Variants in MGST1 observed in about 807,000 individuals in gnomAD.
The protein encoded by MGST1 is microsomal glutathione S-transferase 1, also known as glutathione S-transferase 12.
Under a neutral mutation model 8.9 loss-of-function variants are expected in MGST1, and 5 were observed. That is an observed-to-expected ratio of 0.56 (90% CI 0.29 to 1.19). The LOEUF (loss-of-function observed/expected upper bound fraction) is 1.19. Ranked by LOEUF, MGST1 falls within the 50% of genes most tolerant of loss-of-function variation. The probability of loss-of-function intolerance (pLI) is 0.08; values close to 1 mark genes in which losing one functional copy is unlikely to be tolerated. For missense variants in MGST1, 182 were observed against 187.4 expected (o/e 0.97, Z 0.17); for synonymous variants, 54 against 67.8 (o/e 0.80, Z 1.00).
At chr12:16,373,723 C>T (rs1467353732) in intron 3 of MGST1, among the ~76,000 whole-genome samples, 1 of 152,032 alleles carries the variant, frequency 6.6e-6, no homozygotes, top group African/African-American at 2.4e-5. Context: ...ATCAAAGTGA[C>T]TAAGAACACC....
At position 16,513,572 on chromosome 12, in the gene MGST1, A is replaced by C. The variant is rs1229762706; in HGVS notation, n.483-75956A>C. 2.0e-6 allele frequency: 1 copy of C among 492,040 alleles called. No individual in the cohort carries two copies. Among genetic ancestry groups the C allele is most frequent in the Non-Finnish European group, 4.2e-6 (1 of 240,770 alleles). 30.5% of individuals were successfully genotyped at this position (492,040 alleles called of 1,614,324 possible). A position where few individuals can be genotyped will look rare whatever the true frequency, so the allele number is the denominator to read the frequency against. On this transcript the variant is annotated intron_variant and non_coding_transcript_variant, in intron 4 of 4. Transcript: ENST00000538857. The surrounding 1 kb of genome is among the most constrained non-coding windows in gnomAD (Gnocchi z 4.2). ...AGGGACACCAATAGCAAAAAGATGA[A>C]TCTGGGAGTTAGTGCCTACAGGGAC...
chr12:16,582,494 T>TAA lies in MGST1; in HGVS notation n.483-7034_483-7033insAA, dbSNP rs2137547632. Among the ~76,000 whole-genome samples the TAA allele has an allele frequency of 6.6e-6, 1 of 152,328 alleles. No homozygotes were observed. The highest frequency in any genetic ancestry group is 1.5e-5 in the Non-Finnish European group (1 of 68,030). On this transcript the variant is annotated intron_variant and non_coding_transcript_variant, in intron 4 of 4. Coordinates refer to the MGST1 transcript ENST00000538857. The surrounding 1 kb of genome is among the most constrained non-coding windows in gnomAD (Gnocchi z 4.1). ...TTATGTTAGTTTTGCATAAGCTGCT[T>TAA]TACATATTTTGAACTTAAGCTTCCT...
intron 2 of MGST1, among the ~76,000 whole-genome samples, chr12:16,355,939 G>T (rs1939696955): frequency 6.6e-6 from 1 of 152,166 alleles, no homozygotes; most frequent in East Asian, 1.9e-4. Context: ...CAAGATGCCA[G>T]CAGATCTGGT....
At chr12:16,484,227 G>A (rs1327200839) in intron 4 of MGST1, among the ~76,000 whole-genome samples, 11 of 152,158 alleles carry the variant, frequency 7.2e-5, no homozygotes, top group Non-Finnish European at 5.9e-5. Context: ...CAGCTGTTTT[G>A]TTGGTGTGAA....
chr12:16,450,167 TTC>T (rs755478355), intron 4 of MGST1, among the ~76,000 whole-genome samples: 8 of 151,978 alleles, frequency 5.3e-5, no homozygotes, highest in Non-Finnish European at 8.8e-5. Context: ...TGTATGACAC[TTC>T]TGTTTGCTTT....
chr12:16,541,120 CAATACTTTCA>C (rs1026143571), intron 4 of MGST1, among the ~76,000 whole-genome samples: 1 of 152,084 alleles, frequency 6.6e-6, no homozygotes, highest in Non-Finnish European at 1.5e-5. Flanking sequence ...TCTAAAATCA[CAATACTTTCA>C]TTAAAAAGTC....
intron 4 of MGST1, among the ~76,000 whole-genome samples, chr12:16,539,344 G>T (rs1941779025): frequency 6.6e-6 from 1 of 151,622 alleles, no homozygotes; most frequent in African/African-American, 2.4e-5. Flanking sequence ...AGAGTAAGGG[G>T]GTATTACATT....
chr12:16,564,170 T>TA (rs1384516516), intron 4 of MGST1, among the ~76,000 whole-genome samples: 1 of 152,180 alleles, frequency 6.6e-6, no homozygotes, highest in Non-Finnish European at 1.5e-5. Context: ...GACATGAATA[T>TA]AAAAATCAAA....
Position 16,584,496 on chromosome 12 carries a change from T to C in MGST1, n.483-5032T>C, listed in dbSNP as rs139955042. On this transcript the variant is annotated intron_variant and non_coding_transcript_variant, in intron 4 of 4. Transcript: ENST00000538857. The surrounding 1 kb of genome is among the most constrained non-coding windows in gnomAD (Gnocchi z 5.2). Reference sequence around the variant, plus strand: ...TCTGGAGGACCCAGTGGAAAAGTGTTGAGTGAACGTAACAGCAGAAATATA... The same window carrying C: ...TCTGGAGGACCCAGTGGAAAAGTGTCGAGTGAACGTAACAGCAGAAATATA... Among the ~76,000 whole-genome samples, 1,351 of 152,196 alleles carry C rather than the reference T, an allele frequency of 8.9e-3. 15 individuals are homozygous for C. The highest frequency in any genetic ancestry group is 0.031 in the Middle Eastern group (9 of 294).
At chr12:16,451,357 A>G (rs919059576) in intron 4 of MGST1, among the ~76,000 whole-genome samples, 3 of 151,906 alleles carry the variant, frequency 2.0e-5, no homozygotes, top group Non-Finnish European at 2.9e-5. Flanking sequence ...TATTTTTACT[A>G]TCCTTTAAAC....
At chr12:16,538,015 G>A (rs999015013) in intron 4 of MGST1, among the ~76,000 whole-genome samples, 1 of 152,104 alleles carries the variant, frequency 6.6e-6, no homozygotes, top group Non-Finnish European at 1.5e-5. Context: ...TGCATCATCT[G>A]GCTGCAAATT....
chr12:16,563,785 A>G (rs2137361651), intron 4 of MGST1, among the ~76,000 whole-genome samples: 1 of 152,314 alleles, frequency 6.6e-6, no homozygotes, highest in African/African-American at 2.4e-5. Flanking sequence ...AGTCATTTTG[A>G]AATTTTGATC....
intron 1 of MGST1, among the ~76,000 whole-genome samples, chr12:16,434,063 G>A (rs1249229791): frequency 6.6e-6 from 1 of 151,946 alleles, no homozygotes; most frequent in African/African-American, 2.4e-5. Context: ...ATTTCCCACT[G>A]CATTGACTAA....
chr12:16,485,390 G>A (rs1019611951), intron 4 of MGST1, among the ~76,000 whole-genome samples: 3 of 152,148 alleles, frequency 2.0e-5, no homozygotes, highest in African/African-American at 7.2e-5. Context: ...CTCTGCTTGA[G>A]CTAGTCACTT....
In MGST1 at chr12:16,353,044, T is replaced by G. The variant is rs76205046; in HGVS notation, c.-22-1187T>G. ...CTATTACTATTTCAATTTTTTTTTT[T>G]GGAGGGGGAGACAGAGTCTCACTCT... On this transcript the variant is annotated intron_variant, in intron 1 of 3. Coordinates refer to ENST00000396210, the MANE Select transcript of MGST1 (RefSeq NM_020300.5). Among the ~76,000 whole-genome samples the G allele has an allele frequency of 2.0e-3, 308 of 151,734 alleles. 2 individuals are homozygous for G. Among genetic ancestry groups the G allele is most frequent in the African/African-American group, 6.9e-3 (286 of 41,412 alleles).
At chr12:16,409,203 A>G (rs1940720430) in intron 1 of MGST1, among the ~76,000 whole-genome samples, 1 of 151,816 alleles carries the variant, frequency 6.6e-6, no homozygotes, top group Non-Finnish European at 1.5e-5. Context: ...TCAACTACTT[A>G]TTTTCCTGGA....
chr12:16,450,266 T>C (rs1941118318), intron 4 of MGST1, among the ~76,000 whole-genome samples: 1 of 151,962 alleles, frequency 6.6e-6, no homozygotes, highest in African/African-American at 2.4e-5. Flanking sequence ...GTCCAGTCAC[T>C]TGGGCCTCCT....
chr12:16,569,680 T>A (rs1942742825), intron 4 of MGST1, among the ~76,000 whole-genome samples: 1 of 152,176 alleles, frequency 6.6e-6, no homozygotes, highest in Non-Finnish European at 1.5e-5. Flanking sequence ...ATCTTCGATC[T>A]GAAAAGAATC....
intron 4 of MGST1, among the ~76,000 whole-genome samples, chr12:16,508,498 T>C (rs112161906): frequency 0.028 from 4,208 of 152,324 alleles, 72 homozygotes; most frequent in Middle Eastern, 0.065. Flanking sequence ...AGACAGTTTA[T>C]AGTTGTTGCC....
Sources: allele counts gnomAD v4.1 joint callset (sites outside exome capture counted in the v4.1 genomes callset), GRCh38; gene constraint gnomAD v4.1.1; non-coding constraint Gnocchi (gnomAD v3.1); transcripts MANE v1.5; gene names NCBI Gene and HGNC (gene_info 2026-07-23, HGNC 2026-07-21).